Variants in RPTN observed in about 807,000 individuals in gnomAD.
RPTN encodes repetin.
Under a neutral mutation model 3.6 loss-of-function variants are expected in RPTN, and 4 were observed. That is an observed-to-expected ratio of 1.12 (90% CI 0.55 to 2.55). The LOEUF is 2.55. Ranked by LOEUF, RPTN falls within the 30% of genes most tolerant of loss-of-function variation. The pLI is 0.02. For missense variants in RPTN, 860 were observed against 916.7 expected, an observed-to-expected ratio of 0.94 and a Z score of 0.80; for synonymous variants, 293 against 319.3, an observed-to-expected ratio of 0.92 and a Z score of 0.88.
chr1:152,157,696 A>G (rs572608168), intron 2 of RPTN, 56 bp downstream of exon 2: 4 of 1,593,180 alleles, frequency 2.5e-6, no homozygotes, highest in Middle Eastern at 1.7e-4. Context: ...ACCCTGGTGC[A>G]GGTGTCAGAG....
At position 152,155,113 on chromosome 1, in the gene RPTN, G is replaced by T. The variant is rs549352226; in HGVS notation, c.1986C>A (p.Leu662=). 10 of 1,614,142 alleles carry T rather than the reference G, an allele frequency of 6.2e-6. No homozygotes were observed. In the African/African-American group the frequency reaches 8.0e-5, roughly 13 times the overall value. Residue 662 remains leucine (L), a synonymous_variant, in exon 3 of 3, where the codon CTC becomes CTA. Transcript: ENST00000316073. ...EEDSQHHQHK[L]LAQIQQERPL... The stretch of plus-strand genomic sequence containing the variant: ...GTCTTTCTTGTTGGATTTGTGCTAA[G>T]AGTTTGTGTTGGTGATGTTGGCTAT...
In RPTN at chr1:152,156,557, T is replaced by G; in HGVS notation, c.542A>C (p.His181Pro). ...SQPERQDRDS[H>P]HNQSERQDKD... is the part of the protein sequence containing the mutation. ...GTCTTGTCTCTCAGACTGATTGTGG[T>G]GAGAATCTCTGTCTTGTCTCTCAGG... Residue 181 changes from histidine (H) to proline (P), a missense_variant, in exon 3 of 3, where the codon CAC becomes CCC. His to Pro is a moderately conservative substitution (Grantham distance 77). Transcript: ENST00000316073. The G allele has an allele frequency of 6.2e-7, 1 of 1,614,080 alleles. No individual in the cohort carries two copies. The highest frequency in any genetic ancestry group is 8.5e-7 in the Non-Finnish European group (1 of 1,179,982).
chr1:152,158,139 A>G (rs1659243558), intron 1 of RPTN, among the ~76,000 whole-genome samples: 1 of 152,194 alleles, frequency 6.6e-6, no homozygotes, highest in South Asian at 2.1e-4. Flanking sequence ...ACAATTTCTT[A>G]AAAAACAAAA....
At position 152,155,927 on chromosome 1, in the gene RPTN, T is replaced by G. The variant is rs778667714; in HGVS notation, c.1172A>C (p.Tyr391Ser). The change falls in exon 3 of 3, where the codon TAT (tyrosine) becomes TCT (serine). Residue 391 changes from tyrosine (Y) to serine (S), a missense_variant. By Grantham distance (144) the Tyr-to-Ser change is moderately radical. Coordinates refer to ENST00000316073, the MANE Select transcript of RPTN (RefSeq NM_001122965.1). ...TTGGTCTTGTCTGTCTGTCTGACCA[T>G]AGTGAGAACTCTGATCTTGTGTGTC... ...QPDTQDQSSH[Y>S]GQTDRQDQSS... 1.2e-5 allele frequency: 20 copies of G among 1,613,862 alleles called. No homozygotes were observed. The South Asian group carries it at 2.2e-4, about 18-fold the overall frequency.
chr1:152,154,735 T>C lies in RPTN; in HGVS notation c.*9A>G. ...GATGGTTTTGATCCTCTTCATGAGTTTGCCTGTCTCATCTCTGATGGTTCT... is the reference window on the plus strand; with the variant it reads ...GATGGTTTTGATCCTCTTCATGAGTCTGCCTGTCTCATCTCTGATGGTTCT... On this transcript the variant is annotated 3_prime_UTR_variant, in exon 3 of 3. Transcript: ENST00000316073. 6.2e-7 allele frequency: 1 copy of C among 1,613,470 alleles called. No individual in the cohort carries two copies. The highest frequency in any genetic ancestry group is 8.5e-7 in the Non-Finnish European group (1 of 1,179,624).
chr1:152,154,727 T>G lies in RPTN; in HGVS notation c.*17A>C, dbSNP rs1484762518. On this transcript the variant is annotated 3_prime_UTR_variant, in exon 3 of 3. Transcript: ENST00000316073. ...TTGTTGCTGATGGTTTTGATCCTCT[T>G]CATGAGTTTGCCTGTCTCATCTCTG... The G allele has an allele frequency of 1.2e-6, 2 of 1,613,060 alleles. No homozygotes were observed. The highest frequency in any genetic ancestry group is 1.7e-6 in the Non-Finnish European group (2 of 1,179,442).
At position 152,155,671 on chromosome 1, in the gene RPTN, A is replaced by G; in HGVS notation, c.1428T>C (p.Ser476=). ...AACTCTGGCCTTGTTTGTCTGGCTG[A>G]CTGTAGTGGGAACTCTGGCCTTGTC... ...TDRQGQSSHY[S]QPDKQGQSSH... The change falls in exon 3 of 3, where the codon AGT becomes AGC. Residue 476 remains serine, a synonymous_variant. Transcript: ENST00000316073. The G allele has an allele frequency of 6.2e-7, 1 of 1,603,632 alleles. No homozygotes were observed. The highest frequency in any genetic ancestry group is 8.5e-7 in the Non-Finnish European group (1 of 1,173,148).
At position 152,155,550 on chromosome 1, in the gene RPTN, G is replaced by A; in HGVS notation, c.1549C>T (p.Gln517Ter). The A allele has an allele frequency of 6.2e-7, 1 of 1,611,728 alleles. No individual in the cohort carries two copies. Among genetic ancestry groups the A allele is most frequent in the Non-Finnish European group, 8.5e-7 (1 of 1,178,704 alleles). The change falls in exon 3 of 3, where the codon CAA (glutamine) becomes TAA (stop). Residue 517 changes from glutamine (Q) to a stop codon, truncating the protein, a stop_gained. Transcript: ENST00000316073. LOFTEE classifies it low-confidence loss of function (END_TRUNC). Reference sequence around the variant, plus strand: ...TGACCATAGTGGAAACTCTGGCCTTGTCTGTCTGTCTGACCATAGTGGGAA... The same window carrying A: ...TGACCATAGTGGAAACTCTGGCCTTATCTGTCTGTCTGACCATAGTGGGAA... ...QSSHYGQTDR[Q>*]GQSFHYGQPD...
rs199577080 is a variant in RPTN at position 152,154,882 on chromosome 1, G to A, written c.2217C>T (p.Asn739=). ...GGGTTTGTCTGTCTCGTCTCTGATG[G>A]TTCTGCTCATCTTTATGGGTTCGCC... is the stretch of plus-strand genomic sequence containing the variant. ...QDRRTHKDEQ[N]HQRRDRQTHE... is the part of the protein sequence containing the mutation. The change falls in exon 3 of 3, where the codon AAC becomes AAT. Residue 739 remains asparagine (N), a synonymous_variant. Coordinates refer to ENST00000316073, the MANE Select transcript of RPTN (RefSeq NM_001122965.1). 6.1e-5 allele frequency: 99 copies of A among 1,614,062 alleles called. No individual in the cohort carries two copies. The African/African-American group carries it at 1.2e-3, about 20-fold the overall frequency.
chr1:152,156,379 A>G lies in RPTN; in HGVS notation c.720T>C (p.Tyr240=), dbSNP rs2101557804. ...RCEKPIQDSH[Y]GQSERHTQQS... ...GTTGTGTATGTCTTTCAGACTGACCATAATGAGAATCCTGAATTGGTTTTT... is the reference window on the plus strand; with the variant it reads ...GTTGTGTATGTCTTTCAGACTGACCGTAATGAGAATCCTGAATTGGTTTTT... The change falls in exon 3 of 3, where the codon TAT becomes TAC. Residue 240 remains tyrosine, a synonymous_variant. Transcript: ENST00000316073. 3 of 1,614,274 alleles carry G rather than the reference A, an allele frequency of 1.9e-6. No homozygotes were observed. The highest frequency in any genetic ancestry group is 2.5e-6 in the Non-Finnish European group (3 of 1,180,050).
In RPTN at chr1:152,154,636, C is replaced by T; in HGVS notation, c.*108G>A. 6.9e-7 allele frequency: 1 copy of T among 1,446,042 alleles called. No homozygotes were observed. Among genetic ancestry groups the T allele is most frequent in the Non-Finnish European group, 9.4e-7 (1 of 1,062,786 alleles). 89.6% of individuals were successfully genotyped at this position (1,446,042 alleles called of 1,614,324 possible). A position where few individuals can be genotyped will look rare whatever the true frequency, so the allele number is the denominator to read the frequency against. On this transcript the variant is annotated 3_prime_UTR_variant, in exon 3 of 3. Coordinates refer to ENST00000316073, the MANE Select transcript of RPTN (RefSeq NM_001122965.1). Reference sequence around the variant, plus strand: ...CTCTGTTAGGACAGCTTCTGTGGGTCACTTGGGATTTTTGATTCTGAGATC... The same window carrying T: ...CTCTGTTAGGACAGCTTCTGTGGGTTACTTGGGATTTTTGATTCTGAGATC...
rs75497821 is a variant in RPTN at position 152,156,362 on chromosome 1, T to A, written c.737A>T (p.His246Leu). ...QDSHYGQSER[H>L]TQQSETLGQA... ...TCCAAGTGTTTCAGATTGTTGTGTA[T>A]GTCTTTCAGACTGACCATAATGAGA... The change falls in exon 3 of 3, where the codon CAT becomes CTT. Residue 246 changes from histidine (H) to leucine (L), a missense_variant. Coordinates refer to ENST00000316073, the MANE Select transcript of RPTN (RefSeq NM_001122965.1). 1,632 of 1,614,278 alleles carry A rather than the reference T, an allele frequency of 1.0e-3. 44 individuals carry two copies. The East Asian group carries it at 0.021, about 20-fold the overall frequency.
In RPTN at chr1:152,154,461, G is replaced by C. The variant is rs191401461; in HGVS notation, c.*283C>G. On this transcript the variant is annotated 3_prime_UTR_variant, in exon 3 of 3. Coordinates refer to ENST00000316073, the MANE Select transcript of RPTN (RefSeq NM_001122965.1). ...TTCTGCTCTTGCACATAGTCATAGG[G>C]GGGGTTGGGAACAGTAGCTCCCTTG... 1.3e-5 allele frequency: 7 copies of C among 530,094 alleles called. No individual in the cohort carries two copies. Among genetic ancestry groups the C allele is most frequent in the Admixed American group, 7.1e-5 (2 of 28,272 alleles). The allele number at this position is 530,094 out of a possible 1,614,324, so 32.8% of individuals were successfully genotyped here.
At chr1:152,157,699 T>C (rs758287359) in intron 2 of RPTN, 53 bp downstream of exon 2, 28 of 1,599,674 alleles carry the variant, frequency 1.8e-5, no homozygotes, top group Admixed American at 1.0e-4. Context: ...CTGGTGCAGG[T>C]GTCAGAGTCA....
chr1:152,155,014 C>T lies in RPTN; in HGVS notation c.2085G>A (p.Gln695=). The T allele has an allele frequency of 6.2e-7, 1 of 1,613,878 alleles. No homozygotes were observed. Among genetic ancestry groups the T allele is most frequent in the Non-Finnish European group, 8.5e-7 (1 of 1,179,792 alleles). ...EQGHRQAQTR[Q]SHGEGLSHWA... ...AGTGGCTCAGCCCCTCACCATGACTCTGCCTGGTCTGGGCCTGTCTGTGGC... is the reference window on the plus strand; with the variant it reads ...AGTGGCTCAGCCCCTCACCATGACTTTGCCTGGTCTGGGCCTGTCTGTGGC... The change falls in exon 3 of 3, where the codon CAG becomes CAA. Residue 695 remains glutamine, a synonymous_variant. Transcript: ENST00000316073.
rs1016587513 is a variant in RPTN at position 152,154,466 on chromosome 1, T to G, written c.*278A>C. On this transcript the variant is annotated 3_prime_UTR_variant, in exon 3 of 3. Coordinates refer to ENST00000316073, the MANE Select transcript of RPTN (RefSeq NM_001122965.1). ...CTCTTGCACATAGTCATAGGGGGGG[T>G]TGGGAACAGTAGCTCCCTTGGCAGG... The G allele has an allele frequency of 5.6e-6, 3 of 534,066 alleles. No individual in the cohort carries two copies. The highest frequency in any genetic ancestry group is 3.2e-5 in the East Asian group (1 of 31,272). 33.1% of individuals were successfully genotyped at this position (534,066 alleles called of 1,614,324 possible). A position where few individuals can be genotyped will look rare whatever the true frequency, so the allele number is the denominator to read the frequency against.
chr1:152,156,612 T>C lies in RPTN; in HGVS notation c.487A>G (p.Lys163Glu). 1 of 1,040,744 alleles carries C rather than the reference T, an allele frequency of 9.6e-7. No individual in the cohort carries two copies. The allele number at this position is 1,040,744 out of a possible 1,614,324, so 64.5% of individuals were successfully genotyped here. The change falls in exon 3 of 3, where the codon AAA (lysine) becomes GAA (glutamate). Residue 163 changes from lysine to glutamate, a missense_variant. Transcript: ENST00000316073. ...DRDSHHGQSE[K>E]QDRDSHHSQP... ...CTGTGGTGGGAATCTCTGTCTTGTT[T>C]CTCAGACTGACCATGGTGGGAATCT...
chr1:152,157,051 C>T (rs1039100560), intron 2 of RPTN, 91 bp from the exon 3 acceptor site: 2 of 1,075,056 alleles, frequency 1.9e-6, no homozygotes, highest in Non-Finnish European at 2.7e-6. Flanking sequence ...CCATTCGGTG[C>T]TGCACGGACC....
chr1:152,157,805 A>G lies in RPTN; in HGVS notation c.85T>C (p.Cys29Arg). ...AGCAGTTGTTTCAACTCTTCCTTGC[A>G]TAGTAAGGCACAGTCCCCATTCCCT... is the stretch of plus-strand genomic sequence containing the variant. ...AKGNGDCALL[C>R]KEELKQLLLA... Residue 29 changes from cysteine (C) to arginine (R), a missense_variant, in exon 2 of 3, where the codon TGC (cysteine) becomes CGC (arginine). By Grantham distance (180) the Cys-to-Arg change is radical. Coordinates refer to ENST00000316073, the MANE Select transcript of RPTN (RefSeq NM_001122965.1). The G allele has an allele frequency of 6.2e-7, 1 of 1,613,922 alleles. No homozygotes were observed. The highest frequency in any genetic ancestry group is 8.5e-7 in the Non-Finnish European group (1 of 1,179,834).
Sources: allele counts gnomAD v4.1 joint callset (sites outside exome capture counted in the v4.1 genomes callset), GRCh38; gene constraint gnomAD v4.1.1; transcripts MANE v1.5; gene names NCBI Gene and HGNC (gene_info 2026-07-23, HGNC 2026-07-21).